Variants in CADM1 observed in about 807,000 individuals in gnomAD.
The protein encoded by CADM1 is TSLC-1.
CADM1 carries 15 observed loss-of-function variants against 53.1 expected under a neutral mutation model. That is an observed-to-expected ratio of 0.28 (90% CI 0.19 to 0.44). The LOEUF (loss-of-function observed/expected upper bound fraction) is 0.44, where lower values mean the gene tolerates loss of function less well. Among genes scored for constraint, CADM1 ranks in the 20% least tolerant of loss-of-function variants. The probability of loss-of-function intolerance (pLI) is 1.00; values close to 1 mark genes in which losing one functional copy is unlikely to be tolerated. For missense variants in CADM1, 434 were observed against 611.3 expected (o/e 0.71, Z 3.06); for synonymous variants, 281 against 243.0 (o/e 1.16, Z -1.45).
intron 7 of CADM1, among the ~76,000 whole-genome samples, chr11:115,211,475 CTTTTTTTTTTTTT>C (rs1224649182): frequency 1.1e-5 from 1 of 92,260 alleles, no homozygotes; most frequent in South Asian, 4.4e-4. Context: ...AATCCTATTT[CTTTTTTTTTTTTT>C]TTTTTTTTTT....
chr11:115,451,831 G>A (rs1200224488), intron 1 of CADM1, among the ~76,000 whole-genome samples: 1 of 152,088 alleles, frequency 6.6e-6, no homozygotes, highest in East Asian at 1.9e-4. Context: ...TAAAACACCG[G>A]TGGAATTAGG....
chr11:115,180,445 G>A (rs528171919), intron 10 of CADM1, among the ~76,000 whole-genome samples: 1 of 152,256 alleles, frequency 6.6e-6, no homozygotes, highest in Admixed American at 6.5e-5. Flanking sequence ...GAGGCAGAGT[G>A]CACTGCAGCC....
chr11:115,404,346 A>AAAAAAATATAT (rs1947251974), intron 1 of CADM1, among the ~76,000 whole-genome samples: 2 of 33,784 alleles, frequency 5.9e-5, no homozygotes, highest in African/African-American at 2.7e-4. Flanking sequence ...AAAAAAAAAA[A>AAAAAAATATAT]ATATATATAT....
intron 1 of CADM1, among the ~76,000 whole-genome samples, chr11:115,299,375 A>T (rs1029620414): frequency 5.9e-5 from 9 of 152,058 alleles, no homozygotes; most frequent in African/African-American, 1.9e-4. Context: ...GGGAGAACAA[A>T]TTTTTTTGTT....
Position 115,238,425 on chromosome 11 carries a change from T to C in CADM1, c.424+75A>G, listed in dbSNP as rs1048594065. ...AAGTTTGAACAGGAGAATTCACCAT[T>C]AACCTTTTCCTTGCTGCTGTAAAAG... On this transcript the variant is annotated intron_variant, in intron 3 of 11. Transcript: ENST00000331581. 110 of 1,480,212 alleles carry C rather than the reference T, an allele frequency of 7.4e-5. 1 individual carries two copies. The Admixed American group carries it at 1.8e-3, about 25-fold the overall frequency. The allele number at this position is 1,480,212 out of a possible 1,614,324, so 91.7% of individuals were successfully genotyped here. A position where few individuals can be genotyped will look rare whatever the true frequency, so the allele number is the denominator to read the frequency against.
At chr11:115,387,233 A>G (rs1025994585) in intron 1 of CADM1, among the ~76,000 whole-genome samples, 9 of 152,220 alleles carry the variant, frequency 5.9e-5, no homozygotes, top group African/African-American at 2.2e-4. Context: ...GATGAACCCC[A>G]TTTGCTATAA....
At chr11:115,190,338 G>A (rs181533959) in intron 10 of CADM1, among the ~76,000 whole-genome samples, 1 of 152,256 alleles carries the variant, frequency 6.6e-6, no homozygotes, top group East Asian at 1.9e-4. Flanking sequence ...TCAGTGTGCT[G>A]TGAAAGAGGT....
At chr11:115,281,746 G>A (rs1364675324) in intron 1 of CADM1, among the ~76,000 whole-genome samples, 1 of 152,046 alleles carries the variant, frequency 6.6e-6, no homozygotes, top group East Asian at 1.9e-4. Context: ...TATAACTACA[G>A]CAGTTTTCAA....
chr11:115,444,954 A>G (rs1449065967), intron 1 of CADM1, among the ~76,000 whole-genome samples: 1 of 152,172 alleles, frequency 6.6e-6, no homozygotes, highest in Non-Finnish European at 1.5e-5. Context: ...AGGGGTGAGG[A>G]GAGGCTATGT....
At chr11:115,256,849 G>T (rs1238681941) in intron 1 of CADM1, 1 of 455,938 alleles carries the variant, frequency 2.2e-6, no homozygotes, top group Non-Finnish European at 4.4e-6. Context: ...ATGTCCAGAT[G>T]CCTTCATTGC....
chr11:115,474,051 T>C lies in CADM1; in HGVS notation c.124+30220A>G, dbSNP rs187902385. Among the ~76,000 whole-genome samples the C allele has an allele frequency of 2.2e-4, 34 of 152,008 alleles. No homozygotes were observed. In the East Asian group the frequency reaches 6.4e-3, roughly 29 times the overall value. ...TGGCTCACACCTGTAATCCAGCACTTTGCGAGGCCGAGGTGGGCGGATCAT... is the reference window on the plus strand; with the variant it reads ...TGGCTCACACCTGTAATCCAGCACTCTGCGAGGCCGAGGTGGGCGGATCAT... On this transcript the variant is annotated intron_variant, in intron 1 of 11. Coordinates refer to ENST00000331581, the MANE Select transcript of CADM1 (RefSeq NM_001301043.2).
intron 1 of CADM1, among the ~76,000 whole-genome samples, chr11:115,395,115 T>C: frequency 6.6e-6 from 1 of 152,304 alleles, no homozygotes; most frequent in East Asian, 1.9e-4. Context: ...GTCTGTATAT[T>C]AGAATCACTT....
At chr11:115,381,085 A>T (rs1946563740) in intron 1 of CADM1, among the ~76,000 whole-genome samples, 1 of 152,118 alleles carries the variant, frequency 6.6e-6, no homozygotes, top group Non-Finnish European at 1.5e-5. Flanking sequence ...TCACAAGGTC[A>T]GGAGTTCGAG....
chr11:115,306,103 C>CACACACACACACACAT (rs1213855783), intron 1 of CADM1, among the ~76,000 whole-genome samples: 2 of 151,294 alleles, frequency 1.3e-5, no homozygotes, highest in Non-Finnish European at 3.0e-5. Flanking sequence ...CACACACACA[C>CACACACACACACACAT]ATACCGTCAT....
At chr11:115,295,509 TATA>T (rs1565349003) in intron 1 of CADM1, among the ~76,000 whole-genome samples, 1,869 of 27,870 alleles carry the variant, frequency 0.067, 34 homozygotes, top group African/African-American at 0.13. Context: ...AGATATTTTA[TATA>T]TATATATATA....
In CADM1 at chr11:115,238,636, C is replaced by T. The variant is rs768722797; in HGVS notation, c.288G>A (p.Arg96=). 1.6e-5 allele frequency: 26 copies of T among 1,613,804 alleles called. No individual in the cohort carries two copies. Among genetic ancestry groups the T allele is most frequent in the East Asian group, 8.9e-5 (4 of 44,844 alleles). ...TGCTAGAAAAATTCAGCAACTGAAACCTGCTGTCCTTCAAAGCTGTGAAAC... is the reference window on the plus strand; with the variant it reads ...TGCTAGAAAAATTCAGCAACTGAAATCTGCTGTCCTTCAAAGCTGTGAAAC... ...FRDFRPLKDS[R]FQLLNFSSSE... is the part of the protein sequence containing the mutation. Residue 96 remains arginine (R), a synonymous_variant, in exon 3 of 12, where the codon AGG becomes AGA. Coordinates refer to ENST00000331581, the MANE Select transcript of CADM1 (RefSeq NM_001301043.2).
chr11:115,184,086 G>A (rs1939433676), intron 10 of CADM1, among the ~76,000 whole-genome samples: 1 of 152,006 alleles, frequency 6.6e-6, no homozygotes, highest in Admixed American at 6.6e-5. Context: ...GTAGGGATTA[G>A]TCTATTTCAG....
chr11:115,256,952 C>A (rs528501600), intron 1 of CADM1: 1 of 454,778 alleles, frequency 2.2e-6, no homozygotes, highest in African/African-American at 2.0e-5. Context: ...TTAAAAAAGT[C>A]GTTAGGTTTA....
At chr11:115,354,467 G>A (rs774100752) in intron 1 of CADM1, among the ~76,000 whole-genome samples, 1 of 152,154 alleles carries the variant, frequency 6.6e-6, no homozygotes, top group Non-Finnish European at 1.5e-5. Context: ...ACAAGGCAGG[G>A]CAAGGAAGGA....
Sources: allele counts gnomAD v4.1 joint callset (sites outside exome capture counted in the v4.1 genomes callset), GRCh38; gene constraint gnomAD v4.1.1; transcripts MANE v1.5; gene names NCBI Gene and HGNC (gene_info 2026-07-23, HGNC 2026-07-21).